NOS1: variants seen among roughly 807,000 people sequenced by gnomAD.
NOS1 encodes the protein nitric oxide synthase 1, also known as NOS type I.
Under a neutral mutation model 164.5 loss-of-function variants are expected in NOS1, and 51 were observed. That is an observed-to-expected ratio of 0.31 (90% confidence interval 0.25 to 0.39). NOS1 has a LOEUF of 0.39. Ranked by LOEUF, NOS1 falls within the 10% of genes least tolerant of loss-of-function variation. The probability of loss-of-function intolerance (pLI) is 1.00; values close to 1 mark genes in which losing one functional copy is unlikely to be tolerated. For missense variants in NOS1, 1,362 were observed against 1,885.6 expected (o/e 0.72, Z 5.14); for synonymous variants, 719 against 745.8 (o/e 0.96, Z 0.59).
At chr12:117,340,977 G>A (rs551315130) in intron 1 of NOS1, among the ~76,000 whole-genome samples, 9 of 148,272 alleles carry the variant, frequency 6.1e-5, no homozygotes, top group African/African-American at 2.0e-4. Context: ...CACCTGCCTC[G>A]GCCTCCCAAA....
In NOS1 at chr12:117,286,156, G is replaced by T. The variant is rs1394375527; in HGVS notation, c.1238C>A (p.Ala413Asp). Residue 413 changes from alanine (A) to aspartate (D), a missense_variant, in exon 6 of 29, where the codon GCC becomes GAC. By Grantham distance (126) the Ala-to-Asp change is moderately radical. Around this residue, in one of 4 missense-constraint regions of NOS1, gnomAD observed 129 missense variants for 186.0 expected, o/e 0.69. Coordinates refer to ENST00000317775, the MANE Select transcript of NOS1 (RefSeq NM_000620.5). ...CACACAGCGCGAGGCATTCCGCCAG[G>T]CGTGCTTGGCCCCATAGATGAGCTC... Reference protein sequence around the residue: ...DTELIYGAKHAWRNASRCVGR... With the variant: ...DTELIYGAKHDWRNASRCVGR... The T allele has an allele frequency of 6.2e-7, 1 of 1,614,242 alleles. No individual in the cohort carries two copies. The highest frequency in any genetic ancestry group is 1.7e-5 in the Admixed American group (1 of 60,028).
At chr12:117,317,830 G>C (rs1255003303) in intron 2 of NOS1, among the ~76,000 whole-genome samples, 1 of 152,100 alleles carries the variant, frequency 6.6e-6, no homozygotes, top group Non-Finnish European at 1.5e-5. Flanking sequence ...ACATTTGGTG[G>C]TTCTCAAACT....
At chr12:117,318,060 T>C (rs1874748300) in intron 2 of NOS1, among the ~76,000 whole-genome samples, 1 of 152,118 alleles carries the variant, frequency 6.6e-6, no homozygotes, top group African/African-American at 2.4e-5. Context: ...TAGTCCCAAC[T>C]ACTGGGGAGG....
In NOS1 at chr12:117,213,909, G is replaced by A; in HGVS notation, c.*1400C>T. On this transcript the variant is annotated 3_prime_UTR_variant, in exon 29 of 29. Transcript: ENST00000317775. The stretch of plus-strand genomic sequence containing the variant: ...GTAAATTCAACAGGTTGCCTCTTAG[G>A]GAGGAATTACACCGGCTCCAATTCC... The A allele has an allele frequency of 1.0e-6, 1 of 985,412 alleles. No homozygotes were observed. Among genetic ancestry groups the A allele is most frequent in the Non-Finnish European group, 1.2e-6 (1 of 829,946 alleles). The allele number at this position is 985,412 out of a possible 1,614,324, so 61.0% of individuals were successfully genotyped here. A position where few individuals can be genotyped will look rare whatever the true frequency, so the allele number is the denominator to read the frequency against.
chr12:117,324,348 C>T (rs1334095350), intron 2 of NOS1, among the ~76,000 whole-genome samples: 1 of 152,170 alleles, frequency 6.6e-6, no homozygotes, highest in African/African-American at 2.4e-5. Context: ...CAGATGGACA[C>T]TGGATCGGGG....
At chr12:117,354,315 A>G (rs1029120841) in intron 1 of NOS1, among the ~76,000 whole-genome samples, 1 of 152,232 alleles carries the variant, frequency 6.6e-6, no homozygotes, top group African/African-American at 2.4e-5. Context: ...ATTTTATACC[A>G]TGCTTTGGGA....
At chr12:117,269,488 G>A (rs1879416) in intron 10 of NOS1, among the ~76,000 whole-genome samples, 34 of 44,932 alleles carry the variant, frequency 7.6e-4, no homozygotes, top group Non-Finnish European at 1.1e-3. Flanking sequence ...TTTTTTTTTA[G>A]ACAGAGTCTC....
chr12:117,231,209 C>T (rs1047611758), intron 22 of NOS1, among the ~76,000 whole-genome samples: 2 of 151,552 alleles, frequency 1.3e-5, no homozygotes, highest in African/African-American at 4.9e-5. Context: ...TCCAGCTGCT[C>T]GGGAGGCTGA....
chr12:117,215,589 C>G (rs753168388), intron 28 of NOS1, among the ~76,000 whole-genome samples: 3 of 152,016 alleles, frequency 2.0e-5, no homozygotes, highest in African/African-American at 7.2e-5. Flanking sequence ...CCTGCCACCA[C>G]GCCCGGCTAA....
At chr12:117,345,756 A>G (rs575777664) in intron 1 of NOS1, among the ~76,000 whole-genome samples, 71 of 152,180 alleles carry the variant, frequency 4.7e-4, no homozygotes, top group Admixed American at 1.0e-3. Flanking sequence ...ACACTTTGGG[A>G]GGTTAAGGCA....
chr12:117,324,758 A>C (rs1393185123), intron 2 of NOS1, among the ~76,000 whole-genome samples: 1 of 150,910 alleles, frequency 6.6e-6, no homozygotes, highest in Non-Finnish European at 1.5e-5. Flanking sequence ...TCCCAAGTAC[A>C]GAAGGTGCTG....
At chr12:117,247,324 G>A (rs1388256817) in intron 18 of NOS1, 24 bp downstream of exon 18, 1 of 1,558,310 alleles carries the variant, frequency 6.4e-7, no homozygotes, top group Admixed American at 1.9e-5. Flanking sequence ...ACTTTTTCCT[G>A]TAGGTCCATG....
chr12:117,231,601 A>G (rs1196254669), intron 22 of NOS1, among the ~76,000 whole-genome samples: 1 of 152,220 alleles, frequency 6.6e-6, no homozygotes, highest in East Asian at 1.9e-4. Flanking sequence ...AAAAACAAGA[A>G]AAAACCTTAT....
At chr12:117,328,886 G>A (rs769578857) in intron 2 of NOS1, among the ~76,000 whole-genome samples, 1 of 152,212 alleles carries the variant, frequency 6.6e-6, no homozygotes, top group South Asian at 2.1e-4. Flanking sequence ...CTGGATGGGA[G>A]AGCCTACTCC....
At chr12:117,244,181 C>CT (rs1169893493) in intron 18 of NOS1, among the ~76,000 whole-genome samples, 2,214 of 144,828 alleles carry the variant, frequency 0.015, 40 homozygotes, top group African/African-American at 0.045. Context: ...ATACATTTTT[C>CT]TTTTTTTTTT....
chr12:117,350,320 G>C (rs1330233960), intron 1 of NOS1, among the ~76,000 whole-genome samples: 1 of 152,078 alleles, frequency 6.6e-6, no homozygotes, highest in Non-Finnish European at 1.5e-5. Flanking sequence ...ATGCAGAGTG[G>C]GCATTCAACA....
At chr12:117,273,475 G>T (rs28722559) in intron 9 of NOS1, among the ~76,000 whole-genome samples, 43,738 of 151,924 alleles carry the variant, frequency 0.29, 7,193 homozygotes, top group Middle Eastern at 0.39. Flanking sequence ...AAATTTAAGT[G>T]GGGGGAGCTA....
rs1285468692 is a variant in NOS1, at chr12:117,285,335, G to A, written c.1291-3C>T. The A allele has an allele frequency of 6.2e-6, 10 of 1,604,640 alleles. No individual in the cohort carries two copies. The highest frequency in any genetic ancestry group is 1.3e-5 in the African/African-American group (1 of 74,586). ...GTGCAGTCACGGGCATCGAATACCT[G>A]GAAGAGGCACAGGGCGGAACTGATT... On this transcript the variant is annotated splice_polypyrimidine_tract_variant and splice_region_variant and intron_variant, in intron 6 of 28. Coordinates refer to ENST00000317775, the MANE Select transcript of NOS1 (RefSeq NM_000620.5).
intron 16 of NOS1, among the ~76,000 whole-genome samples, chr12:117,256,467 C>T (rs1341580713): frequency 5.3e-5 from 8 of 151,606 alleles, no homozygotes; most frequent in East Asian, 2.0e-4. Context: ...TTAGTAGAGA[C>T]GGGTTTCACC....
Sources: gnomAD v4.1 joint callset for allele counts (sites outside exome capture counted in the v4.1 genomes callset) on GRCh38, gnomAD v4.1.1 for gene constraint, gnomAD v4.1.1 regional missense constraint, MANE v1.5 for transcripts, NCBI Gene and HGNC (gene_info 2026-07-23, HGNC 2026-07-21) for gene names.